The following IQCM variants were observed in gnomAD, a reference collection of about 807,000 sequenced individuals.
IQCM encodes IQ motif containing M, also known as IQ domain-containing protein M.
In IQCM, 45 loss-of-function variants were observed where a neutral mutation model predicts 57.6. The ratio of observed to expected loss-of-function variants is 0.78; its 90% confidence interval spans 0.62 to 1.00. The LOEUF (loss-of-function observed/expected upper bound fraction) is 1.00, where lower values mean the gene tolerates loss of function less well. IQCM is among the 50% of genes least tolerant of loss of function. The pLI, the probability that IQCM is intolerant of heterozygous loss-of-function variation, is 0.00. For synonymous variants in IQCM, 148 were observed against 158.9 expected, an observed-to-expected ratio of 0.93 and a Z score of 0.51; for missense variants, 468 against 511.6, an observed-to-expected ratio of 0.91 and a Z score of 0.82.
intron 2 of IQCM, among the ~76,000 whole-genome samples, chr4:149,779,203 C>T (rs1306058130): frequency 5.3e-5 from 8 of 152,124 alleles, no homozygotes; most frequent in Non-Finnish European, 2.9e-5. Context: ...ATCCACTCTA[C>T]TAACAGGTTT....
intron 2 of IQCM, among the ~76,000 whole-genome samples, chr4:149,814,547 TA>T (rs1774878678): frequency 6.6e-6 from 1 of 151,998 alleles, no homozygotes; most frequent in South Asian, 2.1e-4. Flanking sequence ...AAATAGACTG[TA>T]AATATTATTA....
chr4:149,560,465 A>T (rs936024159), intron 10 of IQCM, among the ~76,000 whole-genome samples: 1 of 152,172 alleles, frequency 6.6e-6, no homozygotes, highest in Non-Finnish European at 1.5e-5. Context: ...ATATTTAGAG[A>T]AAAATATTGA....
intron 7 of IQCM, among the ~76,000 whole-genome samples, chr4:149,626,405 A>ATATATAT (rs1554010309): frequency 8.4e-6 from 1 of 119,566 alleles, no homozygotes; most frequent in Non-Finnish European, 1.8e-5. Context: ...ATATATATAT[A>ATATATAT]AGTTTATAGC....
chr4:149,525,341 G>A (rs1746053156), intron 12 of IQCM, among the ~76,000 whole-genome samples: 2 of 151,870 alleles, frequency 1.3e-5, no homozygotes, highest in Non-Finnish European at 3.0e-5. Context: ...CTAATAAAAT[G>A]TATTAAATCA....
chr4:149,402,883 A>C (rs1456653659), intron 13 of IQCM, among the ~76,000 whole-genome samples: 1 of 151,878 alleles, frequency 6.6e-6, no homozygotes, highest in Non-Finnish European at 1.5e-5. Flanking sequence ...TTCATAAATG[A>C]GGTTTTTCAA....
intron 12 of IQCM, among the ~76,000 whole-genome samples, chr4:149,500,048 G>A (rs547340072): frequency 6.6e-6 from 1 of 152,270 alleles, no homozygotes; most frequent in East Asian, 1.9e-4. Context: ...AGCTGTCTCT[G>A]GAGAAAAGTA....
chr4:149,752,052 A>C (rs1054780154), intron 2 of IQCM, among the ~76,000 whole-genome samples: 6 of 152,226 alleles, frequency 3.9e-5, no homozygotes, highest in African/African-American at 4.8e-5. Context: ...TAAGAGATCT[A>C]TAGGTATAAT....
chr4:149,476,075 A>C (rs547278677), intron 12 of IQCM, among the ~76,000 whole-genome samples: 1 of 152,284 alleles, frequency 6.6e-6, no homozygotes, highest in East Asian at 1.9e-4. Flanking sequence ...GTAAAAAGAA[A>C]AAATAATGAT....
intron 10 of IQCM, among the ~76,000 whole-genome samples, chr4:149,553,971 A>G (rs1749289651): frequency 6.6e-6 from 1 of 152,104 alleles, no homozygotes; most frequent in Non-Finnish European, 1.5e-5. Flanking sequence ...TTAGTTAACA[A>G]GTCAATTATT....
intron 2 of IQCM, among the ~76,000 whole-genome samples, chr4:149,790,835 T>G (rs975283090): frequency 7.9e-5 from 12 of 152,206 alleles, no homozygotes; most frequent in Non-Finnish European, 1.5e-4. Context: ...ATATGATTTT[T>G]TTTTTGGTAC....
At chr4:149,746,332 T>A (rs1767932720) in intron 2 of IQCM, among the ~76,000 whole-genome samples, 2 of 152,144 alleles carry the variant, frequency 1.3e-5, no homozygotes, top group African/African-American at 4.8e-5. Flanking sequence ...ATTCATCAAG[T>A]CTTCTAGGTT....
At chr4:149,583,412 C>T (rs1014119406) in intron 9 of IQCM, among the ~76,000 whole-genome samples, 9 of 151,494 alleles carry the variant, frequency 5.9e-5, no homozygotes, top group Non-Finnish European at 7.4e-5. Context: ...TATGAGTCAA[C>T]AATAGAATGC....
chr4:149,502,882 A>T (rs1011026893), intron 12 of IQCM, among the ~76,000 whole-genome samples: 1 of 152,082 alleles, frequency 6.6e-6, no homozygotes, highest in South Asian at 2.1e-4. Context: ...TCAGTATCCA[A>T]TTGCCAGCTA....
At chr4:149,526,592 C>G (rs778929402) in intron 12 of IQCM, among the ~76,000 whole-genome samples, 4 of 151,980 alleles carry the variant, frequency 2.6e-5, no homozygotes, top group Non-Finnish European at 5.9e-5. Context: ...ATGAAACCTA[C>G]TTGTCTGTGC....
chr4:149,507,790 T>C (rs1369054244), intron 12 of IQCM, among the ~76,000 whole-genome samples: 1 of 152,050 alleles, frequency 6.6e-6, no homozygotes, highest in East Asian at 1.9e-4. Context: ...AACAAACAAC[T>C]GAATGTTAAT....
intron 2 of IQCM, among the ~76,000 whole-genome samples, chr4:149,764,984 C>A (rs1264658522): frequency 1.3e-5 from 2 of 151,928 alleles, no homozygotes; most frequent in East Asian, 1.9e-4. Flanking sequence ...TTTGGGTCTG[C>A]CACTAACCTA....
chr4:149,786,237 T>C (rs923622815), intron 2 of IQCM, among the ~76,000 whole-genome samples: 3 of 152,180 alleles, frequency 2.0e-5, no homozygotes, highest in Non-Finnish European at 4.4e-5. Flanking sequence ...GGAGGGAATT[T>C]CTGGCAATGA....
intron 2 of IQCM, among the ~76,000 whole-genome samples, chr4:149,747,744 G>T (rs186818762): frequency 6.6e-6 from 1 of 152,186 alleles, no homozygotes; most frequent in Non-Finnish European, 1.5e-5. Context: ...AGCTAGGAAC[G>T]CAGGGACCAC....
At chr4:149,458,446 A>T (rs1177058298) in intron 12 of IQCM, among the ~76,000 whole-genome samples, 1 of 152,110 alleles carries the variant, frequency 6.6e-6, no homozygotes, top group Non-Finnish European at 1.5e-5. Context: ...ATAAGAAATA[A>T]GTGAAAATAA....
Sources: allele counts gnomAD v4.1 joint callset (sites outside exome capture counted in the v4.1 genomes callset), GRCh38; gene constraint gnomAD v4.1.1; transcripts MANE v1.5; gene names NCBI Gene and HGNC (gene_info 2026-07-23, HGNC 2026-07-21).